TRPC4AP: variants seen among roughly 807,000 people sequenced by gnomAD.
TRPC4AP encodes the protein transient receptor potential cation channel subfamily C member 4 associated protein, also known as short transient receptor potential channel 4-associated protein.
Under a neutral mutation model 99.0 loss-of-function variants are expected in TRPC4AP, and 45 were observed. That is an observed-to-expected ratio of 0.45 (90% CI 0.36 to 0.58). The LOEUF (loss-of-function observed/expected upper bound fraction) is 0.58, where lower values mean the gene tolerates loss of function less well. Among genes scored for constraint, TRPC4AP ranks in the 20% least tolerant of loss-of-function variants. The pLI is 0.00. For synonymous variants in TRPC4AP, 408 were observed against 385.8 expected (o/e 1.06, Z -0.67); for missense variants, 879 against 985.3 (o/e 0.89, Z 1.44).
intron 1 of TRPC4AP, among the ~76,000 whole-genome samples, chr20:35,091,005 G>A (rs1427845568): frequency 6.6e-6 from 1 of 151,942 alleles, no homozygotes; most frequent in Non-Finnish European, 1.5e-5. Flanking sequence ...CACCCAGCTC[G>A]GTAAGGTATC....
chr20:35,058,345 C>T (rs1243582059), intron 3 of TRPC4AP, among the ~76,000 whole-genome samples: 1 of 152,190 alleles, frequency 6.6e-6, no homozygotes, highest in African/African-American at 2.4e-5. Context: ...GCAGCAAGAA[C>T]AGAGTATACA....
At chr20:35,022,093 A>T (rs1463371515) in intron 8 of TRPC4AP, among the ~76,000 whole-genome samples, 1 of 151,324 alleles carries the variant, frequency 6.6e-6, no homozygotes, top group Admixed American at 6.6e-5. Flanking sequence ...GTTACTGTGC[A>T]GACTGAATGG....
chr20:35,008,516 A>G, intron 13 of TRPC4AP, 148 bp downstream of exon 13: 1 of 682,000 alleles, frequency 1.5e-6, no homozygotes, highest in Non-Finnish European at 2.5e-6. Context: ...AAAACTACAC[A>G]AGATGGCAGT....
At chr20:35,086,930 G>A (rs1037584157) in intron 1 of TRPC4AP, among the ~76,000 whole-genome samples, 5 of 151,984 alleles carry the variant, frequency 3.3e-5, no homozygotes, top group Admixed American at 6.6e-5. Flanking sequence ...CTACTCAGGA[G>A]GCTGAGGCAG....
At chr20:35,070,762 T>C (rs1046224268) in intron 2 of TRPC4AP, among the ~76,000 whole-genome samples, 3 of 152,212 alleles carry the variant, frequency 2.0e-5, no homozygotes, top group African/African-American at 4.8e-5. Flanking sequence ...GATCCCACTT[T>C]GTATTCCCCA....
chr20:35,010,108 G>A, intron 12 of TRPC4AP, 79 bp downstream of exon 12: 1 of 1,176,002 alleles, frequency 8.5e-7, no homozygotes, highest in Non-Finnish European at 1.3e-6. Context: ...GTGCATACCT[G>A]GATGTGCTCA....
intron 11 of TRPC4AP, among the ~76,000 whole-genome samples, chr20:35,011,832 G>A (rs1463840795): frequency 6.6e-6 from 1 of 152,216 alleles, no homozygotes; most frequent in Non-Finnish European, 1.5e-5. Flanking sequence ...ACTTCTGCAG[G>A]GGAGAGTTCC....
chr20:35,046,168 A>T (rs1446757617), intron 6 of TRPC4AP, among the ~76,000 whole-genome samples: 1 of 152,228 alleles, frequency 6.6e-6, no homozygotes, highest in African/African-American at 2.4e-5. Flanking sequence ...TATTTGCTGT[A>T]AATTTTAATA....
Position 35,057,632 on chromosome 20 carries a change from T to G in TRPC4AP, c.415-61A>C, listed in dbSNP as rs1224302910. 2.8e-6 allele frequency: 4 copies of G among 1,434,332 alleles called. No homozygotes were observed. In the East Asian group the frequency reaches 9.4e-5, roughly 34 times the overall value. The allele number at this position is 1,434,332 out of a possible 1,614,324, so 88.9% of individuals were successfully genotyped here. A position where few individuals can be genotyped will look rare whatever the true frequency, so the allele number is the denominator to read the frequency against. ...TTCAAAGTATAACTTATAAAATGAT[T>G]TTGCCATAACCATTCATGGCCCATG... On this transcript the variant is annotated intron_variant, in intron 3 of 18. Transcript: ENST00000252015.
intron 6 of TRPC4AP, 22 bp from the exon 7 acceptor site, chr20:35,044,734 C>G (rs2083520891): frequency 6.2e-7 from 1 of 1,610,344 alleles, no homozygotes. Flanking sequence ...AAAAATGAAA[C>G]AATCCCCATG....
chr20:35,048,530 T>C (rs1284337816), intron 6 of TRPC4AP, among the ~76,000 whole-genome samples: 3 of 152,216 alleles, frequency 2.0e-5, no homozygotes, highest in Non-Finnish European at 4.4e-5. Flanking sequence ...GTAAGAATTA[T>C]TGATAAATTC....
chr20:35,087,525 A>C (rs1482873416), intron 1 of TRPC4AP, among the ~76,000 whole-genome samples: 2 of 152,056 alleles, frequency 1.3e-5, no homozygotes, highest in South Asian at 4.1e-4. Context: ...GCGGGTCATG[A>C]CCTGTAATGT....
rs567911757 is a variant in TRPC4AP, at chr20:35,022,895, C to T, written c.1052-1539G>A. 4.1e-4 allele frequency among the ~76,000 whole-genome samples: 62 copies of T among 151,974 alleles called. No homozygotes were observed. The Middle Eastern group carries it at 0.01, about 25-fold the overall frequency. ...AAAATTAGCTGGGCATGGTGGCATGCGCCTGTAGTCCCAGCTACTCAAGAG... is the reference window on the plus strand; with the variant it reads ...AAAATTAGCTGGGCATGGTGGCATGTGCCTGTAGTCCCAGCTACTCAAGAG... On this transcript the variant is annotated intron_variant, in intron 8 of 18. Coordinates refer to ENST00000252015, the MANE Select transcript of TRPC4AP (RefSeq NM_015638.3).
At position 35,021,342 on chromosome 20, in the gene TRPC4AP, G is replaced by A. The variant is rs747468978; in HGVS notation, c.1066C>T (p.Pro356Ser). Residue 356 changes from proline to serine, a missense_variant, in exon 9 of 19, where the codon CCT becomes TCT. Physicochemically the swap from Pro to Ser is moderately conservative, Grantham distance 74. Coordinates refer to ENST00000252015, the MANE Select transcript of TRPC4AP (RefSeq NM_015638.3). ...SEHNQASIVF[P>S]PPGASEENGL... ...TTCTCCTCAGAAGCCCCTGGAGGAG[G>A]GAACACAATGGAGGCTGACACAGCC... The A allele has an allele frequency of 1.5e-5, 25 of 1,613,746 alleles. No individual in the cohort carries two copies. The highest frequency in any genetic ancestry group is 2.0e-5 in the Non-Finnish European group (24 of 1,179,880).
intron 3 of TRPC4AP, among the ~76,000 whole-genome samples, chr20:35,060,584 C>CG (rs1569133058): frequency 1.3e-3 from 58 of 45,886 alleles, no homozygotes; most frequent in African/African-American, 3.1e-3. Flanking sequence ...GACCTTGTCT[C>CG]CAAAAAAAAA....
rs115885194 is a variant in TRPC4AP at position 35,034,457 on chromosome 20, G to C, written c.1051+666C>G. Among the ~76,000 whole-genome samples the C allele has an allele frequency of 7.0e-3, 1,064 of 152,200 alleles. 12 individuals are homozygous for C. Among genetic ancestry groups the C allele is most frequent in the African/African-American group, 0.025 (1,028 of 41,508 alleles). On this transcript the variant is annotated intron_variant, in intron 8 of 18. Coordinates refer to ENST00000252015, the MANE Select transcript of TRPC4AP (RefSeq NM_015638.3). ...CGTGAGTACAGTATGGAGCTGGGTG[G>C]AGGAAGGAAGCCTCTGACCTCTTTG...
intron 9 of TRPC4AP, among the ~76,000 whole-genome samples, chr20:35,019,668 G>A (rs1294021868): frequency 5.9e-5 from 9 of 152,156 alleles, no homozygotes; most frequent in African/African-American, 2.2e-4. Context: ...AAGCAACTGC[G>A]AAAGTGCCTC....
intron 8 of TRPC4AP, among the ~76,000 whole-genome samples, chr20:35,028,530 A>T (rs573824034): frequency 6.6e-6 from 1 of 152,292 alleles, no homozygotes; most frequent in Non-Finnish European, 1.5e-5. Flanking sequence ...GGATTTGAGG[A>T]CATACTTTTG....
intron 10 of TRPC4AP, 78 bp downstream of exon 10, chr20:35,015,929 CA>C: frequency 1.3e-6 from 2 of 1,577,786 alleles, no homozygotes; most frequent in South Asian, 1.1e-5. Flanking sequence ...GAAAAAAGGT[CA>C]AAGGGTCAGC....
Sources: gnomAD v4.1 joint callset for allele counts (sites outside exome capture counted in the v4.1 genomes callset) on GRCh38, gnomAD v4.1.1 for gene constraint, MANE v1.5 for transcripts, NCBI Gene and HGNC (gene_info 2026-07-23, HGNC 2026-07-21) for gene names.